NRXN1: variants seen among roughly 807,000 people sequenced by gnomAD.
The protein encoded by NRXN1 is neurexin 1, also known as neurexin-1.
Under a neutral mutation model 150.9 loss-of-function variants are expected in NRXN1, and 39 were observed. The observed-to-expected ratio is 0.26, with a 90% CI of 0.20 to 0.34. The LOEUF is 0.34. Among genes scored for constraint, NRXN1 ranks in the 10% least tolerant of loss-of-function variants. NRXN1 has a pLI of 1.00. For missense variants in NRXN1, 1,815 were observed against 1,949.9 expected (o/e 0.93, Z 1.30); for synonymous variants, 924 against 757.0 (o/e 1.22, Z -3.62).
chr2:50,465,406 C>A, intron 17 of NRXN1, 36 bp downstream of exon 17: 2 of 1,553,734 alleles, frequency 1.3e-6, no homozygotes, highest in Admixed American at 1.9e-5. Flanking sequence ...CTGGAAGCAA[C>A]GATGAGTATC....
intron 5 of NRXN1, among the ~76,000 whole-genome samples, chr2:50,675,482 T>A (rs530798062): frequency 6.6e-6 from 1 of 152,150 alleles, no homozygotes; most frequent in Non-Finnish European, 1.5e-5. Flanking sequence ...TAGACTTGGC[T>A]TGCTGTATAA....
At chr2:50,032,947 TACAC>T (rs147067435) in intron 21 of NRXN1, among the ~76,000 whole-genome samples, 13 of 150,238 alleles carry the variant, frequency 8.7e-5, no homozygotes, top group Non-Finnish European at 1.6e-4. Flanking sequence ...AATACACACA[TACAC>T]ACACACACAC....
chr2:50,516,781 T>C (rs968135018), intron 12 of NRXN1, among the ~76,000 whole-genome samples: 3 of 151,932 alleles, frequency 2.0e-5, no homozygotes, highest in African/African-American at 7.3e-5. Flanking sequence ...AGCAAAGAGA[T>C]AGAGTCCTAA....
chr2:50,584,049 A>G (rs553280484), intron 8 of NRXN1, among the ~76,000 whole-genome samples: 30 of 152,312 alleles, frequency 2.0e-4, no homozygotes, highest in African/African-American at 7.2e-4. Flanking sequence ...CCATACAGAA[A>G]GAAAAAGTCT....
intron 2 of NRXN1, among the ~76,000 whole-genome samples, chr2:50,936,410 C>T (rs1423480408): frequency 6.6e-6 from 1 of 152,100 alleles, no homozygotes; most frequent in Non-Finnish European, 1.5e-5. Flanking sequence ...CACACTTTTA[C>T]ATAAAATAAT....
chr2:50,501,367 G>T (rs748766054), intron 13 of NRXN1, among the ~76,000 whole-genome samples: 4 of 149,218 alleles, frequency 2.7e-5, no homozygotes, highest in Admixed American at 2.0e-4. Context: ...TGAAGCAGGG[G>T]TTAACCATGA....
rs970235720 is a variant in NRXN1, at chr2:50,770,196, T to A, written c.833-146581A>T. The stretch of plus-strand genomic sequence containing the variant: ...CAAATTCTAAGAATGTCTATAAATG[T>A]TTAAGACAATTAGTAATCACTCTGA... On this transcript the variant is annotated intron_variant, in intron 5 of 22. Coordinates refer to ENST00000401669, the MANE Select transcript of NRXN1 (RefSeq NM_001330078.2). Among the ~76,000 whole-genome samples, 5 of 152,106 alleles carry A rather than the reference T, an allele frequency of 3.3e-5. 1 individual carries two copies. The South Asian group carries it at 1.0e-3, about 32-fold the overall frequency.
At chr2:50,562,088 A>G (rs998116300) in intron 8 of NRXN1, among the ~76,000 whole-genome samples, 1 of 152,186 alleles carries the variant, frequency 6.6e-6, no homozygotes, top group African/African-American at 2.4e-5. Context: ...CTATCTTCCC[A>G]TATACCAAGA....
intron 17 of NRXN1, among the ~76,000 whole-genome samples, chr2:50,380,527 G>T (rs982681667): frequency 7.2e-5 from 11 of 151,974 alleles, no homozygotes; most frequent in African/African-American, 2.4e-4. Context: ...AGTCAGAGAG[G>T]TTATAATTCT....
chr2:49,991,111 T>G (rs1681868418), intron 21 of NRXN1, among the ~76,000 whole-genome samples: 1 of 152,128 alleles, frequency 6.6e-6, no homozygotes, highest in Non-Finnish European at 1.5e-5. Flanking sequence ...TCTTAAAAAC[T>G]TATTACTAAC....
chr2:50,620,159 G>T lies in NRXN1; in HGVS notation c.1183C>A (p.Leu395Ile). Residue 395 changes from leucine to isoleucine, a missense_variant, in exon 8 of 23, where the codon CTT becomes ATT. Physicochemically the swap from Leu to Ile is conservative, Grantham distance 5. Coordinates refer to ENST00000401669, the MANE Select transcript of NRXN1 (RefSeq NM_001330078.2). ...AMVTISVDGI[L>I]TTTGYTQEDY... is the part of the protein sequence containing the mutation. ...TCTTGCGTGTAGCCCGTTGTGGTAA[G>T]AATCCCATCCACTGATATTGTCACC... The T allele has an allele frequency of 6.2e-7, 1 of 1,613,404 alleles. No individual in the cohort carries two copies. Among genetic ancestry groups the T allele is most frequent in the East Asian group, 2.2e-5 (1 of 44,808 alleles).
chr2:50,445,409 G>A lies in NRXN1; in HGVS notation c.3364+20033C>T, dbSNP rs187138505. Among the ~76,000 whole-genome samples the A allele has an allele frequency of 1.1e-4, 16 of 152,238 alleles. 1 individual carries two copies. In the East Asian group the frequency reaches 3.1e-3, roughly 29 times the overall value. ...ATCCACATAACTCTTGGATCACAAA[G>A]GGAATGAATCATTGCAGTCAAAGAA... On this transcript the variant is annotated intron_variant, in intron 17 of 22. Coordinates refer to ENST00000401669, the MANE Select transcript of NRXN1 (RefSeq NM_001330078.2).
intron 15 of NRXN1, among the ~76,000 whole-genome samples, chr2:50,476,894 CA>C (rs746322519): frequency 1.3e-3 from 201 of 151,258 alleles, no homozygotes; most frequent in East Asian, 2.5e-3. Flanking sequence ...ATTAAGAGGA[CA>C]AAAAAACTCT....
intron 21 of NRXN1, among the ~76,000 whole-genome samples, chr2:49,962,197 C>A (rs1186365807): frequency 6.6e-5 from 10 of 152,128 alleles, no homozygotes; most frequent in Non-Finnish European, 1.0e-4. Flanking sequence ...TCATAGATAC[C>A]AATCAACTGC....
intron 2 of NRXN1, among the ~76,000 whole-genome samples, 185 bp downstream of exon 2, chr2:51,027,315 AGG>A (rs1553514532): frequency 1.3e-5 from 2 of 152,200 alleles, no homozygotes; most frequent in Non-Finnish European, 2.9e-5. Context: ...GCCAATCCTT[AGG>A]AGGATGTCAA....
chr2:50,622,194 G>A (rs547871656), intron 6 of NRXN1, among the ~76,000 whole-genome samples: 1 of 152,098 alleles, frequency 6.6e-6, no homozygotes, highest in African/African-American at 2.4e-5. Context: ...GAAGGTCTGG[G>A]GTTCTCAAGA....
intron 17 of NRXN1, among the ~76,000 whole-genome samples, chr2:50,250,744 A>C (rs765314475): frequency 2.0e-5 from 3 of 151,920 alleles, no homozygotes; most frequent in Non-Finnish European, 2.9e-5. Context: ...ATTTATCATA[A>C]ATTGTGTCAT....
chr2:49,968,380 G>T (rs1677326989), intron 21 of NRXN1, among the ~76,000 whole-genome samples: 1 of 151,988 alleles, frequency 6.6e-6, no homozygotes, highest in Non-Finnish European at 1.5e-5. Context: ...TAAACAAAAA[G>T]TTGCATCCAT....
chr2:50,954,018 A>T (rs910554876), intron 2 of NRXN1, among the ~76,000 whole-genome samples: 3 of 152,196 alleles, frequency 2.0e-5, no homozygotes, highest in Non-Finnish European at 4.4e-5. Flanking sequence ...GGAACTCCTT[A>T]GCCCCCACCC....
Sources: allele counts gnomAD v4.1 joint callset (sites outside exome capture counted in the v4.1 genomes callset), GRCh38; gene constraint gnomAD v4.1.1; transcripts MANE v1.5; gene names NCBI Gene and HGNC (gene_info 2026-07-23, HGNC 2026-07-21).